The following KRT27 variants were observed in gnomAD, a reference collection of about 807,000 sequenced individuals.
The protein encoded by KRT27 is keratin 27.
In KRT27, 30 loss-of-function variants were observed where a neutral mutation model predicts 45.3. The observed-to-expected ratio is 0.66, with a 90% CI of 0.50 to 0.90. The LOEUF (loss-of-function observed/expected upper bound fraction) is 0.90. KRT27 is among the 40% of genes least tolerant of loss of function. The pLI, the probability that KRT27 is intolerant of heterozygous loss-of-function variation, is 0.00. For missense variants in KRT27, 610 were observed against 564.3 expected, an observed-to-expected ratio of 1.08 and a Z score of -0.82; for synonymous variants, 204 against 223.9, an observed-to-expected ratio of 0.91 and a Z score of 0.79.
At chr17:40,779,385 C>A in intron 5 of KRT27, 117 bp downstream of exon 5, 1 of 1,289,660 alleles carries the variant, frequency 7.8e-7, no homozygotes, top group Non-Finnish European at 1.1e-6. Context: ...TGTCTTATGT[C>A]AAGCACTGTA....
At chr17:40,780,630 G>C (rs1375281198) in intron 2 of KRT27, among the ~76,000 whole-genome samples, 174 bp from the exon 3 acceptor site, 1 of 152,112 alleles carries the variant, frequency 6.6e-6, no homozygotes, top group African/African-American at 2.4e-5. Flanking sequence ...GGAGGCAGAG[G>C]CGGGCGGATC....
rs2038296299 is a variant in KRT27 at position 40,779,871 on chromosome 17, A to G, written c.685-10T>C. On this transcript the variant is annotated splice_polypyrimidine_tract_variant and intron_variant, in intron 3 of 7. Coordinates refer to ENST00000301656, the MANE Select transcript of KRT27 (RefSeq NM_181537.4). ...GAAGAGCTTTCATTTCCTGAAAGATATTTGTTTAACGGAATTAGGATCTGA... is the reference window on the plus strand; with the variant it reads ...GAAGAGCTTTCATTTCCTGAAAGATGTTTGTTTAACGGAATTAGGATCTGA... The G allele has an allele frequency of 1.2e-6, 2 of 1,601,072 alleles. No individual in the cohort carries two copies. Among genetic ancestry groups the G allele is most frequent in the East Asian group, 4.5e-5 (2 of 44,832 alleles).
At position 40,779,575 on chromosome 17, in the gene KRT27, G is replaced by A. The variant is rs772002793; in HGVS notation, c.899C>T (p.Ala300Val). The change falls in exon 5 of 8, where the codon GCC becomes GTC. Residue 300 changes from alanine (A) to valine (V), a missense_variant. Ala to Val is a moderately conservative substitution (Grantham distance 64). Transcript: ENST00000301656. ...TTTCATCTCGATAAGCTCATTCCGG[G>A]CTGAGGTGGTGGCGCCAGCGTCGTC... Reference protein sequence around the residue: ...ISDDAGATTSARNELIEMKRT... With the variant: ...ISDDAGATTSVRNELIEMKRT... The A allele has an allele frequency of 1.7e-5, 27 of 1,614,234 alleles. No homozygotes were observed. Among genetic ancestry groups the A allele is most frequent in the Middle Eastern group, 1.6e-4 (1 of 6,062 alleles).
rs2144157216 is a variant in KRT27 at position 40,777,637 on chromosome 17, C to T, written c.1068G>A (p.Gln356=). 2 of 1,614,102 alleles carry T rather than the reference C, an allele frequency of 1.2e-6. No homozygotes were observed. The highest frequency in any genetic ancestry group is 2.7e-5 in the African/African-American group (2 of 75,000). Residue 356 remains glutamine (Q), a synonymous_variant, in exon 6 of 8, where the codon CAG becomes CAA. Coordinates refer to ENST00000301656, the MANE Select transcript of KRT27 (RefSeq NM_181537.4). ...CGGTCTCGGTTCTGACCTGGTGCAG[C>T]TGCTCCTCCAGGGCCCCGATCTGAG... ...IQAQIGALEE[Q]LHQVRTETEG...
chr17:40,777,939 A>G, intron 5 of KRT27: 1 of 606,054 alleles, frequency 1.7e-6, no homozygotes, highest in Non-Finnish European at 2.8e-6. Flanking sequence ...CTGGTGCTGA[A>G]TGTCCCTCAG....
At position 40,777,158 on chromosome 17, in the gene KRT27, C is replaced by T. The variant is rs1178782418; in HGVS notation, c.1241-20G>A. On this transcript the variant is annotated intron_variant, in intron 7 of 7. Transcript: ENST00000301656. ...ATGAATCTAAAATGCCACATATAAACTGTTTAGAATTTATCAAATTCATAA... is the reference window on the plus strand; with the variant it reads ...ATGAATCTAAAATGCCACATATAAATTGTTTAGAATTTATCAAATTCATAA... The T allele has an allele frequency of 6.2e-7, 1 of 1,612,474 alleles. No individual in the cohort carries two copies. Among genetic ancestry groups the T allele is most frequent in the Non-Finnish European group, 8.5e-7 (1 of 1,179,040 alleles).
chr17:40,779,568 A>T lies in KRT27; in HGVS notation c.906T>A (p.Asn302Lys). The T allele has an allele frequency of 6.2e-7, 1 of 1,614,194 alleles. No individual in the cohort carries two copies. The highest frequency in any genetic ancestry group is 1.3e-5 in the African/African-American group (1 of 75,068). ...DDAGATTSAR[N>K]ELIEMKRTLQ... ...GAGTGCGTTTCATCTCGATAAGCTC[A>T]TTCCGGGCTGAGGTGGTGGCGCCAG... Residue 302 changes from asparagine to lysine, a missense_variant, in exon 5 of 8, where the codon AAT (asparagine) becomes AAA (lysine). Asn to Lys is a moderately conservative substitution (Grantham distance 94). Coordinates refer to ENST00000301656, the MANE Select transcript of KRT27 (RefSeq NM_181537.4).
In KRT27 at chr17:40,777,536, A is replaced by G; in HGVS notation, c.1169T>C (p.Leu390Pro). 6.2e-7 allele frequency: 1 copy of G among 1,613,948 alleles called. No homozygotes were observed. The highest frequency in any genetic ancestry group is 8.5e-7 in the Non-Finnish European group (1 of 1,179,840). Reference sequence around the variant, plus strand: ...TGACCCATCTTCTCCATCTATCAGGAGGCAGTAGGTCTCAATTTCTTTTTC... The same window carrying G: ...TGACCCATCTTCTCCATCTATCAGGGGGCAGTAGGTCTCAATTTCTTTTTC... ...HLEKEIETYC[L>P]LIDGEDGSCS... The change falls in exon 6 of 8, where the codon CTC (leucine) becomes CCC (proline). Residue 390 changes from leucine (L) to proline (P), a missense_variant. Physicochemically the swap from Leu to Pro is moderately conservative, Grantham distance 98 (BLOSUM62 -3). Transcript: ENST00000301656.
Position 40,779,635 on chromosome 17 carries a change from G to T in KRT27, c.847-8C>A, listed in dbSNP as rs530159118. ...CTGCTGCAGCGAGGCGCTCTGGAAC[G>T]GCAGGGGCCGCGTTAGGGCGCTGGG... On this transcript the variant is annotated splice_region_variant and splice_polypyrimidine_tract_variant and intron_variant, in intron 4 of 7. Transcript: ENST00000301656. 2 of 1,614,002 alleles carry T rather than the reference G, an allele frequency of 1.2e-6. No individual in the cohort carries two copies. Among genetic ancestry groups the T allele is most frequent in the South Asian group, 1.1e-5 (1 of 91,074 alleles).
rs1597801656 is a variant in KRT27 at position 40,777,511 on chromosome 17, T to C, written c.1190+4A>G. The C allele has an allele frequency of 3.1e-6, 5 of 1,613,870 alleles. No homozygotes were observed. In the East Asian group the frequency reaches 8.9e-5, roughly 29 times the overall value. On this transcript the variant is annotated splice_donor_region_variant and intron_variant, in intron 6 of 7. Transcript: ENST00000301656. ...ATTGTTTTCTCAATGGCGGCAATAC[T>C]GACCCATCTTCTCCATCTATCAGGA...
chr17:40,777,782 A>T, intron 5 of KRT27, 50 bp from the exon 6 acceptor site: 1 of 1,564,990 alleles, frequency 6.4e-7, no homozygotes, highest in Non-Finnish European at 8.8e-7. Flanking sequence ...GGTGTTTTAG[A>T]ATAAGCCAAA....
At position 40,779,825 on chromosome 17, in the gene KRT27, C is replaced by A. The variant is rs762552951; in HGVS notation, c.721G>T (p.Val241Leu). The A allele has an allele frequency of 1.2e-6, 2 of 1,613,958 alleles. No individual in the cohort carries two copies. The highest frequency in any genetic ancestry group is 1.7e-6 in the Non-Finnish European group (2 of 1,179,942). The stretch of plus-strand genomic sequence containing the variant: ...GGGGCCGCGTTCATCTCCACGTTCA[C>A]GTTGCCTCCAGCCGCGCACTGAAGA... ...KALQCAAGGN[V>L]NVEMNAAPGV... Residue 241 changes from valine to leucine, a missense_variant, in exon 4 of 8, where the codon GTG becomes TTG. Transcript: ENST00000301656.
Position 40,777,664 on chromosome 17 carries a change from C to T in KRT27, c.1041G>A (p.Gln347=), listed in dbSNP as rs2038277337. The part of the protein sequence containing the change: ...SNYCAQLAQI[Q]AQIGALEEQL... Reference sequence around the variant, plus strand: ...GCTCCTCCAGGGCCCCGATCTGAGCCTGGATCTGTGCCAGCTGTGCACAGT... The same window carrying T: ...GCTCCTCCAGGGCCCCGATCTGAGCTTGGATCTGTGCCAGCTGTGCACAGT... The change falls in exon 6 of 8, where the codon CAG becomes CAA. Residue 347 remains glutamine, a synonymous_variant. Transcript: ENST00000301656. The T allele has an allele frequency of 1.2e-6, 2 of 1,614,002 alleles. No homozygotes were observed. Among genetic ancestry groups the T allele is most frequent in the Non-Finnish European group, 1.7e-6 (2 of 1,180,032 alleles).
At position 40,776,946 on chromosome 17, in the gene KRT27, A is replaced by G; in HGVS notation, c.*53T>C. On this transcript the variant is annotated 3_prime_UTR_variant, in exon 8 of 8. Transcript: ENST00000301656. ...TAAGGGGACCCTTATTTAGGAAACT[A>G]GCTTCATTTTGGTATTTTAATTTGG... 1.3e-6 allele frequency: 2 copies of G among 1,512,158 alleles called. No homozygotes were observed. Among genetic ancestry groups the G allele is most frequent in the South Asian group, 1.3e-5 (1 of 79,218 alleles). The allele number at this position is 1,512,158 out of a possible 1,614,324, so 93.7% of individuals were successfully genotyped here.
chr17:40,780,470 T>C lies in KRT27; in HGVS notation c.528-14A>G. On this transcript the variant is annotated splice_polypyrimidine_tract_variant and intron_variant, in intron 2 of 7. Transcript: ENST00000301656. ...TCGTTTTCAAACCTTAGAAAAGTAT[T>C]TGGAAGTTTCATCATTAGTCATTAG... 2 of 1,611,520 alleles carry C rather than the reference T, an allele frequency of 1.2e-6. No individual in the cohort carries two copies. The highest frequency in any genetic ancestry group is 1.7e-6 in the Non-Finnish European group (2 of 1,179,008).
intron 5 of KRT27, 43 bp downstream of exon 5, chr17:40,779,459 T>G: frequency 6.4e-7 from 1 of 1,563,116 alleles, no homozygotes; most frequent in Non-Finnish European, 8.7e-7. Context: ...ATTATTTTTT[T>G]CTCAATTTCT....
intron 1 of KRT27, 68 bp downstream of exon 1, chr17:40,781,982 C>A: frequency 2.2e-6 from 3 of 1,356,850 alleles, no homozygotes; most frequent in Admixed American, 3.9e-5. Flanking sequence ...ATAGCTTATA[C>A]ATTTGTGCAT....
Position 40,776,992 on chromosome 17 carries a change from C to G in KRT27, c.*7G>C, listed in dbSNP as rs2038271087. ...TTTGGGGGCCATTCTGTCTCAGAGGCTGGAGTTCAGGAAGACACCCTCTGT... is the reference window on the plus strand; with the variant it reads ...TTTGGGGGCCATTCTGTCTCAGAGGGTGGAGTTCAGGAAGACACCCTCTGT... On this transcript the variant is annotated 3_prime_UTR_variant, in exon 8 of 8. Coordinates refer to ENST00000301656, the MANE Select transcript of KRT27 (RefSeq NM_181537.4). The G allele has an allele frequency of 6.3e-7, 1 of 1,599,104 alleles. No individual in the cohort carries two copies. The highest frequency in any genetic ancestry group is 8.6e-7 in the Non-Finnish European group (1 of 1,169,118).
chr17:40,777,134 T>C lies in KRT27; in HGVS notation c.1245A>G (p.Ser415=), dbSNP rs776820796. ...CTGTTTTGACAATGGTGGTTTTAGATGAATCTAAAATGCCACATATAAACT... is the reference window on the plus strand; with the variant it reads ...CTGTTTTGACAATGGTGGTTTTAGACGAATCTAAAATGCCACATATAAACT... ...YGGPGNQTKD[S]SKTTIVKTVV... Residue 415 remains serine, a synonymous_variant, in exon 8 of 8, where the codon TCA becomes TCG. Coordinates refer to ENST00000301656, the MANE Select transcript of KRT27 (RefSeq NM_181537.4). The C allele has an allele frequency of 6.2e-7, 1 of 1,613,572 alleles. No homozygotes were observed. The highest frequency in any genetic ancestry group is 1.1e-5 in the South Asian group (1 of 90,942).
Sources: allele counts gnomAD v4.1 joint callset (sites outside exome capture counted in the v4.1 genomes callset), GRCh38; gene constraint gnomAD v4.1.1; transcripts MANE v1.5; gene names NCBI Gene and HGNC (gene_info 2026-07-23, HGNC 2026-07-21).